Variants in ARHGEF33 observed in about 807,000 individuals in gnomAD.
The protein encoded by ARHGEF33 is DH and coiled-coil domain-containing protein ENSP00000381780.
A neutral mutation model predicts 101.9 loss-of-function variants in ARHGEF33; 72 were observed. That is an observed-to-expected ratio of 0.71 (90% CI 0.58 to 0.86). The LOEUF is 0.86. Ranked by LOEUF, ARHGEF33 falls within the 40% of genes least tolerant of loss-of-function variation. ARHGEF33 has a pLI of 0.00. For synonymous variants in ARHGEF33, 499 were observed against 442.5 expected (o/e 1.13, Z -1.60); for missense variants, 1,169 against 1,111.3 (o/e 1.05, Z -0.74).
chr2:38,930,073 T>C (rs1666961538), intron 6 of ARHGEF33, among the ~76,000 whole-genome samples: 1 of 152,226 alleles, frequency 6.6e-6, no homozygotes, highest in Non-Finnish European at 1.5e-5. Flanking sequence ...ATGGCATGAA[T>C]GCTTTGATTA....
intron 2 of ARHGEF33, among the ~76,000 whole-genome samples, chr2:38,906,006 G>A (rs924776117): frequency 2.0e-5 from 3 of 152,090 alleles, no homozygotes; most frequent in Non-Finnish European, 4.4e-5. Context: ...CACTTTGGGA[G>A]GACCAGGTGG....
chr2:38,960,451 C>T lies in ARHGEF33; in HGVS notation c.2146C>T (p.Pro716Ser), dbSNP rs1399343302. ...SRSLKEFPRA[P>S]PADGVAPRLY... ...CTCTCTCAAAGAGTTCCCGCGTGCG[C>T]CGCCAGCCGACGGCGTGGCCCCACG... The change falls in exon 16 of 18, where the codon CCG becomes TCG. Residue 716 changes from proline (P) to serine (S), a missense_variant. Pro to Ser is a moderately conservative substitution (Grantham distance 74, BLOSUM62 -1). Transcript: ENST00000409978. The T allele has an allele frequency of 6.7e-7, 1 of 1,495,062 alleles. No homozygotes were observed. Among genetic ancestry groups the T allele is most frequent in the Non-Finnish European group, 8.9e-7 (1 of 1,128,980 alleles). The allele number at this position is 1,495,062 out of a possible 1,614,324, so 92.6% of individuals were successfully genotyped here.
chr2:38,913,546 G>A (rs1666562240), intron 2 of ARHGEF33, among the ~76,000 whole-genome samples: 2 of 152,042 alleles, frequency 1.3e-5, no homozygotes, highest in South Asian at 2.1e-4. Flanking sequence ...AGGCCAAAGT[G>A]GGTGGGTCAT....
At chr2:38,892,682 T>A (rs1443215050) in intron 1 of ARHGEF33, among the ~76,000 whole-genome samples, 1 of 152,222 alleles carries the variant, frequency 6.6e-6, no homozygotes, top group South Asian at 2.1e-4. Flanking sequence ...TTCAAATAAG[T>A]TAGAGTAATT....
intron 2 of ARHGEF33, among the ~76,000 whole-genome samples, chr2:38,916,777 ACACT>A (rs1053391450): frequency 8.0e-5 from 12 of 150,588 alleles, no homozygotes; most frequent in African/African-American, 2.9e-4. Flanking sequence ...TGGTTTGGAC[ACACT>A]CCATATTTTA....
chr2:38,928,342 C>A (rs774147188), intron 4 of ARHGEF33, among the ~76,000 whole-genome samples: 1 of 152,090 alleles, frequency 6.6e-6, no homozygotes, highest in Admixed American at 6.5e-5. Context: ...TAAAGCCCAC[C>A]GTCATTGAAA....
chr2:38,944,088 T>C (rs942546684), intron 10 of ARHGEF33, 58 bp downstream of exon 10: 11 of 1,489,664 alleles, frequency 7.4e-6, no homozygotes, highest in Non-Finnish European at 2.7e-6. Context: ...AGGTAAGTGG[T>C]TTATTGTTTC....
chr2:38,895,754 G>A (rs896446778), intron 1 of ARHGEF33, 23 bp from the exon 2 acceptor site: 3 of 145,312 alleles, frequency 2.1e-5, no homozygotes, highest in African/African-American at 5.2e-5. Flanking sequence ...TATCAATGGC[G>A]TTTTTTTTTT....
chr2:38,926,897 A>G (rs550667745), intron 4 of ARHGEF33, among the ~76,000 whole-genome samples: 1 of 152,132 alleles, frequency 6.6e-6, no homozygotes, highest in South Asian at 2.1e-4. Context: ...AAACTCGCAT[A>G]CATTTTTGAT....
chr2:38,917,828 CAAA>C (rs537310536), intron 2 of ARHGEF33, among the ~76,000 whole-genome samples: 18 of 75,286 alleles, frequency 2.4e-4, no homozygotes, highest in Admixed American at 4.5e-4. Context: ...GACCTTGTCT[CAAA>C]AAAAAAAAAA....
At chr2:38,927,323 A>T (rs752275515) in intron 4 of ARHGEF33, among the ~76,000 whole-genome samples, 2 of 152,246 alleles carry the variant, frequency 1.3e-5, no homozygotes, top group Non-Finnish European at 2.9e-5. Context: ...GCATGACCTT[A>T]TTCTGAAAAT....
At chr2:38,905,743 C>T (rs1267277005) in intron 2 of ARHGEF33, among the ~76,000 whole-genome samples, 1 of 152,272 alleles carries the variant, frequency 6.6e-6, no homozygotes, top group South Asian at 2.1e-4. Context: ...CTCTGAAGAG[C>T]ATTAAAGGCA....
chr2:38,929,924 C>A, intron 6 of ARHGEF33, 94 bp downstream of exon 6: 2 of 1,149,264 alleles, frequency 1.7e-6, no homozygotes, highest in Non-Finnish European at 2.4e-6. Flanking sequence ...CAGTGTATAG[C>A]TAGCTGGCCA....
intron 11 of ARHGEF33, among the ~76,000 whole-genome samples, 183 bp from the exon 12 acceptor site, chr2:38,952,979 G>A (rs984321939): frequency 3.3e-5 from 5 of 152,166 alleles, no homozygotes; most frequent in Admixed American, 6.5e-5. Flanking sequence ...GATTACAGGC[G>A]TGAGCCACCG....
chr2:38,944,012 G>C lies in ARHGEF33; in HGVS notation c.902G>C (p.Arg301Thr), dbSNP rs1667377357. The change falls in exon 10 of 18, where the codon AGG (arginine) becomes ACG (threonine). Residue 301 changes from arginine to threonine, a missense_variant. Arg to Thr is a moderately conservative substitution (Grantham distance 71). Coordinates refer to ENST00000409978, the MANE Select transcript of ARHGEF33 (RefSeq NM_001145451.5). ...ACATTCCAGGGGTCAGATGGAAAGA[G>C]GAATTCCAAAGAGAGAAGGTATCCA... ...KATFQGSDGK[R>T]NSKERSLFPG... 1.3e-6 allele frequency: 2 copies of C among 1,550,072 alleles called. No individual in the cohort carries two copies. The highest frequency in any genetic ancestry group is 1.7e-6 in the Non-Finnish European group (2 of 1,146,434).
chr2:38,973,634 A>T (rs1431407667), intron 17 of ARHGEF33, 80 bp from the exon 18 acceptor site: 3 of 1,379,820 alleles, frequency 2.2e-6, no homozygotes, highest in Non-Finnish European at 2.8e-6. Flanking sequence ...ACAAATGCAA[A>T]ACAATTGGGA....
chr2:38,953,759 TAA>T (rs757964929), intron 12 of ARHGEF33, among the ~76,000 whole-genome samples: 9 of 152,176 alleles, frequency 5.9e-5, no homozygotes, highest in Non-Finnish European at 1.0e-4. Context: ...GCCCCAACAC[TAA>T]GAGTTAATCA....
At position 38,905,541 on chromosome 2, in the gene ARHGEF33, G is replaced by T. The variant is rs182033659; in HGVS notation, c.-86+9692G>T. Among the ~76,000 whole-genome samples, 151 of 152,320 alleles carry T rather than the reference G, an allele frequency of 9.9e-4. 1 individual carries two copies. The highest frequency in any genetic ancestry group is 3.3e-3 in the African/African-American group (138 of 41,560). On this transcript the variant is annotated intron_variant, in intron 2 of 17. Transcript: ENST00000409978. ...AAATGGAAGCCCAGAGAGAGTGCCT[G>T]GCTTTCCTAAGGCCCCACAGTAAGA...
intron 2 of ARHGEF33, among the ~76,000 whole-genome samples, chr2:38,909,653 A>T (rs1355613681): frequency 6.7e-6 from 1 of 149,054 alleles, no homozygotes; most frequent in Admixed American, 6.7e-5. Flanking sequence ...TTTTAATTTT[A>T]ATTCTTTAAT....
Sources: gnomAD v4.1 joint callset for allele counts (sites outside exome capture counted in the v4.1 genomes callset) on GRCh38, gnomAD v4.1.1 for gene constraint, MANE v1.5 for transcripts, NCBI Gene and HGNC (gene_info 2026-07-23, HGNC 2026-07-21) for gene names.